MGAT4A: variants seen among roughly 807,000 people sequenced by gnomAD.
MGAT4A encodes alpha-1,3-mannosyl-glycoprotein 4-beta-N-acetylglucosaminyltransferase A.
MGAT4A carries 33 observed loss-of-function variants against 74.1 expected under a neutral mutation model. The observed-to-expected ratio is 0.45, with a 90% CI of 0.34 to 0.60. The LOEUF (loss-of-function observed/expected upper bound fraction) is 0.60. Ranked by LOEUF, MGAT4A falls within the 20% of genes least tolerant of loss-of-function variation. MGAT4A has a pLI of 0.02. For synonymous variants in MGAT4A, 198 were observed against 210.4 expected, an observed-to-expected ratio of 0.94 and a Z score of 0.51; for missense variants, 479 against 628.3, an observed-to-expected ratio of 0.76 and a Z score of 2.54.
At chr2:98,681,588 A>G (rs959706354) in intron 2 of MGAT4A, among the ~76,000 whole-genome samples, 4 of 152,214 alleles carry the variant, frequency 2.6e-5, no homozygotes, top group Non-Finnish European at 5.9e-5. Context: ...GAACAACATT[A>G]GAATCCTACC....
At chr2:98,660,924 C>T (rs1157071577) in intron 5 of MGAT4A, among the ~76,000 whole-genome samples, 2 of 152,180 alleles carry the variant, frequency 1.3e-5, no homozygotes, top group African/African-American at 4.8e-5. Context: ...AATAGGATCA[C>T]ATCTAACTAA....
intron 2 of MGAT4A, among the ~76,000 whole-genome samples, chr2:98,691,906 C>T (rs951706717): frequency 6.6e-6 from 1 of 151,798 alleles, no homozygotes; most frequent in Non-Finnish European, 1.5e-5. Context: ...TATGTCTCTT[C>T]CTTTTTAACA....
At chr2:98,727,764 T>C (rs1008957391) in intron 1 of MGAT4A, among the ~76,000 whole-genome samples, 1 of 152,196 alleles carries the variant, frequency 6.6e-6, no homozygotes, top group Non-Finnish European at 1.5e-5. Flanking sequence ...CTACTAGAAA[T>C]TCCCCCTAGT....
At chr2:98,689,783 A>G (rs763942568) in intron 2 of MGAT4A, among the ~76,000 whole-genome samples, 2 of 152,190 alleles carry the variant, frequency 1.3e-5, no homozygotes, top group Non-Finnish European at 2.9e-5. Context: ...AGTTTGTGCC[A>G]GTGCACTCCA....
intron 14 of MGAT4A, among the ~76,000 whole-genome samples, chr2:98,629,403 G>A (rs987917936): frequency 2.6e-5 from 4 of 152,166 alleles, no homozygotes; most frequent in Non-Finnish European, 5.9e-5. Context: ...TGCTGGACTT[G>A]GGTAGCAGGT....
chr2:98,711,121 A>G (rs1041294404), intron 2 of MGAT4A, among the ~76,000 whole-genome samples: 2 of 152,182 alleles, frequency 1.3e-5, no homozygotes, highest in Admixed American at 6.5e-5. Context: ...TTAAGTTTGC[A>G]ATCTCTCTAC....
chr2:98,641,090 T>C (rs1257840436), intron 10 of MGAT4A, among the ~76,000 whole-genome samples: 4 of 152,120 alleles, frequency 2.6e-5, no homozygotes, highest in Admixed American at 6.5e-5. Context: ...TCTCAACCTG[T>C]CCTCATGCAT....
At chr2:98,722,724 T>A (rs994132443) in intron 2 of MGAT4A, among the ~76,000 whole-genome samples, 9 of 152,230 alleles carry the variant, frequency 5.9e-5, no homozygotes, top group African/African-American at 1.7e-4. Context: ...TGTTTAAAAC[T>A]GTTTAAATAC....
intron 14 of MGAT4A, among the ~76,000 whole-genome samples, chr2:98,631,296 C>T (rs1289524519): frequency 6.6e-6 from 1 of 152,228 alleles, no homozygotes; most frequent in Non-Finnish European, 1.5e-5. Context: ...AATTCAGGCC[C>T]CTCTCCAGGG....
At chr2:98,681,681 C>A (rs372595105) in intron 2 of MGAT4A, among the ~76,000 whole-genome samples, 7 of 152,094 alleles carry the variant, frequency 4.6e-5, no homozygotes, top group Non-Finnish European at 8.8e-5. Context: ...GGAGGCCGGG[C>A]GTGATAGCTC....
In MGAT4A at chr2:98,678,247, A is replaced by ATATATAT. The variant is rs1259884597; in HGVS notation, c.262+56_262+57insATATATA. The ATATATAT allele has an allele frequency of 2.8e-4, 98 of 345,232 alleles. 1 individual carries two copies. The highest frequency in any genetic ancestry group is 1.5e-3 in the African/African-American group (51 of 34,972). The allele number at this position is 345,232 out of a possible 1,614,324, so 21.4% of individuals were successfully genotyped here. On this transcript the variant is annotated intron_variant, in intron 3 of 15. Coordinates refer to ENST00000393487, the MANE Select transcript of MGAT4A (RefSeq NM_012214.3). ...TCTGTCTCAAAGAAAAAAAAAAAAA[A>ATATATAT]AAATATATATATATATATATAAAAT...
At position 98,625,913 on chromosome 2, in the gene MGAT4A, G is replaced by C. The variant is rs1485251644; in HGVS notation, c.1469-78C>G. The C allele has an allele frequency of 3.1e-6, 3 of 968,546 alleles. No individual in the cohort carries two copies. In the African/African-American group the frequency reaches 4.9e-5, roughly 16 times the overall value. 60.0% of individuals were successfully genotyped at this position (968,546 alleles called of 1,614,324 possible). A position where few individuals can be genotyped will look rare whatever the true frequency, so the allele number is the denominator to read the frequency against. ...AATATCACTGAGTTAAGGCAGGAAA[G>C]GAATACACCAAAATATTTCTAGTAG... On this transcript the variant is annotated intron_variant, in intron 14 of 15. Coordinates refer to ENST00000393487, the MANE Select transcript of MGAT4A (RefSeq NM_012214.3).
At chr2:98,680,863 GAA>G (rs1025110256) in intron 2 of MGAT4A, among the ~76,000 whole-genome samples, 12 of 152,196 alleles carry the variant, frequency 7.9e-5, no homozygotes, top group Non-Finnish European at 1.6e-4. Flanking sequence ...GCTTTTTACT[GAA>G]GTCTATAATA....
chr2:98,687,286 A>G (rs550981230), intron 2 of MGAT4A, among the ~76,000 whole-genome samples: 2 of 152,336 alleles, frequency 1.3e-5, no homozygotes, highest in East Asian at 3.9e-4. Flanking sequence ...ATAGTTATCT[A>G]ATGTAGAACT....
intron 2 of MGAT4A, among the ~76,000 whole-genome samples, chr2:98,680,982 T>C (rs1316467888): frequency 6.6e-6 from 1 of 152,134 alleles, no homozygotes; most frequent in Admixed American, 6.5e-5. Context: ...TTTTTTGTTG[T>C]TGTTGTTGTT....
chr2:98,632,491 G>C lies in MGAT4A; in HGVS notation c.1468+2731C>G, dbSNP rs1701255291. On this transcript the variant is annotated intron_variant, in intron 14 of 15. Transcript: ENST00000393487. Reference sequence around the variant, plus strand: ...TTTCCACTGGGATCCAAATTTGCTTGTCTGTAGCTAACATCTCTAATTGCT... The same window carrying C: ...TTTCCACTGGGATCCAAATTTGCTTCTCTGTAGCTAACATCTCTAATTGCT... Among the ~76,000 whole-genome samples the C allele has an allele frequency of 5.3e-5, 8 of 152,232 alleles. No homozygotes were observed. The South Asian group carries it at 1.7e-3, about 31-fold the overall frequency.
At chr2:98,631,030 T>C (rs993038670) in intron 14 of MGAT4A, among the ~76,000 whole-genome samples, 1 of 151,918 alleles carries the variant, frequency 6.6e-6, no homozygotes, top group Non-Finnish European at 1.5e-5. Context: ...GTGGCTCCCC[T>C]CCGCCCGCCA....
At chr2:98,701,729 G>A (rs949982871) in intron 2 of MGAT4A, among the ~76,000 whole-genome samples, 10 of 152,156 alleles carry the variant, frequency 6.6e-5, no homozygotes, top group Non-Finnish European at 1.2e-4. Context: ...ATTTGGCAGA[G>A]GCTAGGTCTA....
intron 1 of MGAT4A, among the ~76,000 whole-genome samples, chr2:98,730,698 G>A (rs1702839874): frequency 2.0e-5 from 3 of 150,760 alleles, no homozygotes; most frequent in Admixed American, 2.0e-4. Flanking sequence ...GGGAGCGCCA[G>A]GAACGCACCA....
Sources: allele counts gnomAD v4.1 joint callset (sites outside exome capture counted in the v4.1 genomes callset), GRCh38; gene constraint gnomAD v4.1.1; transcripts MANE v1.5; gene names NCBI Gene and HGNC (gene_info 2026-07-23, HGNC 2026-07-21).